Variants in FAM180A observed in about 807,000 individuals in gnomAD.
FAM180A encodes protein FAM180A.
FAM180A carries 14 observed loss-of-function variants against 15.3 expected under a neutral mutation model. That is an observed-to-expected ratio of 0.92 (90% CI 0.61 to 1.43). FAM180A has a LOEUF of 1.43. Ranked by LOEUF, FAM180A falls within the 40% of genes most tolerant of loss-of-function variation. The pLI is 0.00. For missense variants in FAM180A, 200 were observed against 220.8 expected (o/e 0.91, Z 0.60); for synonymous variants, 90 against 96.8 (o/e 0.93, Z 0.41).
intron 1 of FAM180A, among the ~76,000 whole-genome samples, chr7:135,746,644 C>A (rs1204249405): frequency 6.6e-6 from 1 of 152,172 alleles, no homozygotes; most frequent in Non-Finnish European, 1.5e-5. Flanking sequence ...GTTTAATAAG[C>A]AAATCCCCAG....
intron 3 of FAM180A, among the ~76,000 whole-genome samples, chr7:135,731,039 G>A (rs1214082283): frequency 1.3e-5 from 2 of 151,568 alleles, no homozygotes; most frequent in Non-Finnish European, 2.9e-5. Context: ...CTGGGTGAAT[G>A]TTCCTGGGAA....
chr7:135,733,686 A>G lies in FAM180A; in HGVS notation c.*289T>C. ...AGTGTGTGGCCACTGCTCTGGGTTGAAGCATATCAGAATTCTGCCTGCCAT... is the reference window on the plus strand; with the variant it reads ...AGTGTGTGGCCACTGCTCTGGGTTGGAGCATATCAGAATTCTGCCTGCCAT... On this transcript the variant is annotated 3_prime_UTR_variant, in exon 3 of 4. Coordinates refer to ENST00000338588, the MANE Select transcript of FAM180A (RefSeq NM_205855.4). 1 of 1,210,338 alleles carries G rather than the reference A, an allele frequency of 8.3e-7. No individual in the cohort carries two copies. Among genetic ancestry groups the G allele is most frequent in the Non-Finnish European group, 1.0e-6 (1 of 971,982 alleles). The allele number at this position is 1,210,338 out of a possible 1,614,324, so 75.0% of individuals were successfully genotyped here. A position where few individuals can be genotyped will look rare whatever the true frequency, so the allele number is the denominator to read the frequency against.
At chr7:135,734,607 G>T (rs1414488983) in intron 2 of FAM180A, among the ~76,000 whole-genome samples, 2 of 152,186 alleles carry the variant, frequency 1.3e-5, no homozygotes, top group Admixed American at 6.5e-5. Context: ...TACAGTGTCT[G>T]GTTCAAAACC....
intron 1 of FAM180A, among the ~76,000 whole-genome samples, chr7:135,747,620 C>T (rs1180413218): frequency 6.6e-6 from 1 of 152,080 alleles, no homozygotes; most frequent in East Asian, 1.9e-4. Flanking sequence ...CGCATCCATG[C>T]CACCATGCCA....
At chr7:135,732,737 AC>A (rs1320968181) in intron 3 of FAM180A, among the ~76,000 whole-genome samples, 4 of 138,830 alleles carry the variant, frequency 2.9e-5, no homozygotes, top group East Asian at 2.1e-4. Context: ...ACACACACAC[AC>A]ACAAGAATGT....
At position 135,734,266 on chromosome 7, in the gene FAM180A, G is replaced by C; in HGVS notation, c.231C>G (p.Asp77Glu). 6.2e-7 allele frequency: 1 copy of C among 1,613,742 alleles called. No homozygotes were observed. Among genetic ancestry groups the C allele is most frequent in the Middle Eastern group, 1.7e-4 (1 of 6,058 alleles). The change falls in exon 3 of 4, where the codon GAC (aspartate) becomes GAG (glutamate). Residue 77 changes from aspartate to glutamate, a missense_variant. By Grantham distance (45) the Asp-to-Glu change is conservative. Coordinates refer to ENST00000338588, the MANE Select transcript of FAM180A (RefSeq NM_205855.4). The stretch of plus-strand genomic sequence containing the variant: ...CCTTCCGCAAGGAGGCCAGCTCCTC[G>C]TCCTTGATGGAGATCTGCAGGTCAG... ...ISPDLQISIK[D>E]EELASLRKAS...
Position 135,734,004 on chromosome 7 carries a change from G to T in FAM180A, c.493C>A (p.Arg165Ser). ...LFQALRHDLM[R>S]SSQPGVPP Reference sequence around the variant, plus strand: ...GGAGGTACTCCCGGCTGTGAGGAGCGCATCAAGTCGTGCCTCAGGGCCTGG... The same window carrying T: ...GGAGGTACTCCCGGCTGTGAGGAGCTCATCAAGTCGTGCCTCAGGGCCTGG... Residue 165 changes from arginine to serine, a missense_variant, in exon 3 of 4, where the codon CGC (arginine) becomes AGC (serine). Coordinates refer to ENST00000338588, the MANE Select transcript of FAM180A (RefSeq NM_205855.4). The T allele has an allele frequency of 2.5e-6, 4 of 1,611,178 alleles. No individual in the cohort carries two copies. Among genetic ancestry groups the T allele is most frequent in the South Asian group, 1.1e-5 (1 of 90,510 alleles).
At chr7:135,736,215 G>A (rs7796336) in intron 2 of FAM180A, among the ~76,000 whole-genome samples, 4 of 152,006 alleles carry the variant, frequency 2.6e-5, no homozygotes, top group Admixed American at 6.6e-5. Flanking sequence ...TAGAGATGGG[G>A]TTTCACCGTG....
At chr7:135,743,010 C>T (rs1796973928) in intron 1 of FAM180A, among the ~76,000 whole-genome samples, 3 of 152,226 alleles carry the variant, frequency 2.0e-5, no homozygotes, top group African/African-American at 7.2e-5. Context: ...GGGCATTCTT[C>T]AGTTCTGAAT....
At chr7:135,732,689 T>TCACACACACACACA (rs143588470) in intron 3 of FAM180A, among the ~76,000 whole-genome samples, 2 of 141,858 alleles carry the variant, frequency 1.4e-5, no homozygotes, top group Non-Finnish European at 3.1e-5. Context: ...CGAGACTCCA[T>TCACACACACACACA]CACACACACA....
At chr7:135,747,222 G>A (rs74778095) in intron 1 of FAM180A, among the ~76,000 whole-genome samples, 2,740 of 152,200 alleles carry the variant, frequency 0.018, 33 homozygotes, top group Non-Finnish European at 0.029. Context: ...ATGATGTGAC[G>A]TGCCTGTATC....
At chr7:135,732,979 T>A (rs1237236990) in intron 3 of FAM180A, among the ~76,000 whole-genome samples, 2 of 152,182 alleles carry the variant, frequency 1.3e-5, no homozygotes, top group African/African-American at 4.8e-5. Context: ...GTTGGGAGAC[T>A]CTTTGTGCAT....
chr7:135,729,802 C>T lies in FAM180A; in HGVS notation c.*809G>A, dbSNP rs1046984890. 1.0e-6 allele frequency: 1 copy of T among 958,096 alleles called. No individual in the cohort carries two copies. The highest frequency in any genetic ancestry group is 1.2e-6 in the Non-Finnish European group (1 of 805,352). 59.3% of individuals were successfully genotyped at this position (958,096 alleles called of 1,614,324 possible). A position where few individuals can be genotyped will look rare whatever the true frequency, so the allele number is the denominator to read the frequency against. ...GTATGAGGTATCTTAAGTAGTCAGA[C>T]TCTCAAAAACAGAAAGCAGAATAAT... On this transcript the variant is annotated 3_prime_UTR_variant, in exon 4 of 4. Coordinates refer to ENST00000338588, the MANE Select transcript of FAM180A (RefSeq NM_205855.4).
chr7:135,745,469 CTGTGTG>C (rs142097069), intron 1 of FAM180A, among the ~76,000 whole-genome samples: 5 of 150,028 alleles, frequency 3.3e-5, no homozygotes, highest in South Asian at 2.1e-4. Flanking sequence ...CGTGGGCCAC[CTGTGTG>C]TGTGTGTGTG....
At chr7:135,731,712 G>A (rs1796784828) in intron 3 of FAM180A, among the ~76,000 whole-genome samples, 1 of 152,208 alleles carries the variant, frequency 6.6e-6, no homozygotes, top group East Asian at 1.9e-4. Context: ...AATCTTCTGA[G>A]CCTGAGAATA....
intron 1 of FAM180A, among the ~76,000 whole-genome samples, chr7:135,748,028 G>T (rs1260123943): frequency 6.6e-6 from 1 of 152,172 alleles, no homozygotes; most frequent in Non-Finnish European, 1.5e-5. Context: ...CCCACCTCTG[G>T]CTGCAGAGAT....
chr7:135,738,355 G>A (rs1282989497), intron 1 of FAM180A, among the ~76,000 whole-genome samples: 1 of 152,048 alleles, frequency 6.6e-6, no homozygotes, highest in Non-Finnish European at 1.5e-5. Context: ...CACCACGCTC[G>A]GCTAATTGTT....
intron 1 of FAM180A, among the ~76,000 whole-genome samples, chr7:135,741,147 A>G (rs1796943420): frequency 6.6e-6 from 1 of 152,168 alleles, no homozygotes. Flanking sequence ...ACATGTCTTT[A>G]ACATGCTCAC....
At chr7:135,732,421 A>C (rs1360823339) in intron 3 of FAM180A, among the ~76,000 whole-genome samples, 1 of 152,216 alleles carries the variant, frequency 6.6e-6, no homozygotes, top group Admixed American at 6.5e-5. Context: ...GGTCGGGCGC[A>C]ATGGCTCTCG....
Sources: gnomAD v4.1 joint callset for allele counts (sites outside exome capture counted in the v4.1 genomes callset) on GRCh38, gnomAD v4.1.1 for gene constraint, MANE v1.5 for transcripts, NCBI Gene and HGNC (gene_info 2026-07-23, HGNC 2026-07-21) for gene names.